Variants in ULK2 observed in about 807,000 individuals in gnomAD.
The protein encoded by ULK2 is unc-51 like autophagy activating kinase 2, also known as serine/threonine-protein kinase ULK2.
A neutral mutation model predicts 127.5 loss-of-function variants in ULK2; 76 were observed. The ratio of observed to expected loss-of-function variants is 0.60; its 90% CI spans 0.50 to 0.72. The LOEUF is 0.72. Ranked by LOEUF, ULK2 falls within the 30% of genes least tolerant of loss-of-function variation. The pLI, the probability that ULK2 is intolerant of heterozygous loss-of-function variation, is 0.00. For synonymous variants in ULK2, 452 were observed against 461.9 expected (o/e 0.98, Z 0.28); for missense variants, 1,144 against 1,295.9 (o/e 0.88, Z 1.80).
At chr17:19,806,793 TTC>T (rs1223040071) in intron 14 of ULK2, among the ~76,000 whole-genome samples, 2 of 152,202 alleles carry the variant, frequency 1.3e-5, no homozygotes, top group African/African-American at 4.8e-5. Context: ...ATTCACAACA[TTC>T]TCTGTGTGGA....
rs1314392567 is a variant in ULK2 at position 19,776,583 on chromosome 17, A to G, written c.3053-176T>C. ...GCAAAGTGGTAAAATTTAGGTAAGC[A>G]CATCAGCTAGCTTGCTACATAACTA... On this transcript the variant is annotated intron_variant, in intron 26 of 26. Transcript: ENST00000395544. Among the ~76,000 whole-genome samples the G allele has an allele frequency of 2.0e-5, 3 of 152,194 alleles. No individual in the cohort carries two copies. In the South Asian group the frequency reaches 6.2e-4, roughly 32 times the overall value.
chr17:19,838,689 A>C, intron 9 of ULK2, 106 bp from the exon 10 acceptor site: 1 of 881,134 alleles, frequency 1.1e-6, no homozygotes, highest in Admixed American at 2.5e-5. Context: ...GGTTTCACAA[A>C]TACCAATACA....
chr17:19,860,070 T>G (rs563435056), intron 3 of ULK2, among the ~76,000 whole-genome samples: 1 of 152,214 alleles, frequency 6.6e-6, no homozygotes, highest in Admixed American at 6.6e-5. Context: ...ATAAAACAAG[T>G]TGCATTTCTG....
At chr17:19,815,324 G>A (rs1305590648) in intron 13 of ULK2, among the ~76,000 whole-genome samples, 2 of 151,980 alleles carry the variant, frequency 1.3e-5, no homozygotes, top group African/African-American at 4.8e-5. Context: ...ACAATGGCAC[G>A]ATCTCAGCTC....
intron 10 of ULK2, among the ~76,000 whole-genome samples, chr17:19,835,153 CTT>C (rs61210380): frequency 6.8e-6 from 1 of 146,510 alleles, no homozygotes; most frequent in Admixed American, 6.8e-5. Context: ...GTTTTTGTTT[CTT>C]TTTTTTTTGG....
At chr17:19,860,892 C>T (rs2042227826) in intron 3 of ULK2, 1 of 151,988 alleles carries the variant, frequency 6.6e-6, no homozygotes, top group East Asian at 1.9e-4. Context: ...GAATTCTCGC[C>T]TCCCACGCAG....
intron 24 of ULK2, 132 bp downstream of exon 24, chr17:19,780,854 G>C (rs1417963349): frequency 1.0e-6 from 1 of 1,000,856 alleles, no homozygotes; most frequent in African/African-American, 1.6e-5. Context: ...TAACAACCCA[G>C]CATCTTTTCC....
Position 19,783,901 on chromosome 17 carries a change from C to T in ULK2, c.2256G>A (p.Gly752=), listed in dbSNP as rs766523706. The T allele has an allele frequency of 1.3e-6, 2 of 1,507,750 alleles. No individual in the cohort carries two copies. Among genetic ancestry groups the T allele is most frequent in the East Asian group, 4.8e-5 (2 of 41,800 alleles). The allele number at this position is 1,507,750 out of a possible 1,614,324, so 93.4% of individuals were successfully genotyped here. The change falls in exon 22 of 27, where the codon GGG becomes GGA. Residue 752 remains glycine (G), a synonymous_variant. Coordinates refer to ENST00000395544, the MANE Select transcript of ULK2 (RefSeq NM_014683.4). ...MFLRTRTTSV[G]PSNSGGSLCA... is the part of the protein sequence containing the mutation. ...AAAGAGAGCCCCCGGAGTTGCTGGG[C>T]CCCACTACAAGGAAACAGAGGATAC...
chr17:19,854,836 T>C (rs1259758910), intron 3 of ULK2, among the ~76,000 whole-genome samples: 1 of 151,936 alleles, frequency 6.6e-6, no homozygotes, highest in Non-Finnish European at 1.5e-5. Context: ...CATGGTGGCT[T>C]AAGACTGTAA....
intron 12 of ULK2, among the ~76,000 whole-genome samples, chr17:19,824,626 T>C (rs2041243899): frequency 6.6e-6 from 1 of 151,900 alleles, no homozygotes; most frequent in Non-Finnish European, 1.5e-5. Context: ...GAAGCCACCT[T>C]AAAGCGCCAG....
chr17:19,780,752 C>G, intron 24 of ULK2, 123 bp from the exon 25 acceptor site: 2 of 1,153,928 alleles, frequency 1.7e-6, no homozygotes, highest in Non-Finnish European at 2.4e-6. Context: ...AAAAAAAGGA[C>G]CAGAAATAGG....
chr17:19,784,036 CTATG>C, intron 21 of ULK2, 131 bp from the exon 22 acceptor site: 1 of 631,392 alleles, frequency 1.6e-6, no homozygotes, highest in Admixed American at 4.3e-5. Flanking sequence ...CACTGACCCC[CTATG>C]TACTATTTGA....
At chr17:19,804,185 C>T (rs2087461866) in intron 15 of ULK2, among the ~76,000 whole-genome samples, 1 of 151,524 alleles carries the variant, frequency 6.6e-6, no homozygotes, top group African/African-American at 2.4e-5. Flanking sequence ...GAGTTCAAGA[C>T]CAGCCTGGTC....
intron 12 of ULK2, among the ~76,000 whole-genome samples, chr17:19,819,514 CCCT>C (rs1219781039): frequency 2.0e-5 from 3 of 152,204 alleles, no homozygotes; most frequent in Admixed American, 2.0e-4. Flanking sequence ...TGCTCACTGT[CCCT>C]CCTACCTTTA....
At chr17:19,855,369 A>C (rs944669183) in intron 3 of ULK2, among the ~76,000 whole-genome samples, 9 of 151,526 alleles carry the variant, frequency 5.9e-5, no homozygotes, top group African/African-American at 1.5e-4. Flanking sequence ...GCGCCACTGC[A>C]CTCCAGCCTG....
chr17:19,826,154 C>A lies in ULK2; in HGVS notation c.820G>T (p.Gly274Cys). ...GGATACTCACATTTTTTTACTGGACCTTGCTCAAGAAAAGGATGGCTAAAA... is the reference window on the plus strand; with the variant it reads ...GGATACTCACATTTTTTTACTGGACATTGCTCAAGAAAAGGATGGCTAAAA... ...AFFSHPFLEQ[G>C]PVKKSCPVPV... The change falls in exon 11 of 27, where the codon GGT (glycine) becomes TGT (cysteine). Residue 274 changes from glycine (G) to cysteine (C), a missense_variant. Physicochemically the swap from Gly to Cys is radical, Grantham distance 159. This residue lies in a region of ULK2 where 913 missense variants were observed against 970.5 expected (regional missense o/e 0.94). Coordinates refer to ENST00000395544, the MANE Select transcript of ULK2 (RefSeq NM_014683.4). The A allele has an allele frequency of 6.8e-7, 1 of 1,466,084 alleles. No individual in the cohort carries two copies. 90.8% of individuals were successfully genotyped at this position (1,466,084 alleles called of 1,614,324 possible). A position where few individuals can be genotyped will look rare whatever the true frequency, so the allele number is the denominator to read the frequency against.
At chr17:19,783,409 A>T (rs1597707929) in intron 22 of ULK2, among the ~76,000 whole-genome samples, 1 of 152,102 alleles carries the variant, frequency 6.6e-6, no homozygotes, top group East Asian at 1.9e-4. Context: ...CCGAGATTGC[A>T]CCACTGCACT....
chr17:19,867,494 G>T lies in ULK2; in HGVS notation c.-77C>A, dbSNP rs567738920. ...AGGTATCAGCACCGCGGCTCCGCGGGCCCGGAGCGCGCCAGCGTGCGGCGG... is the reference window on the plus strand; with the variant it reads ...AGGTATCAGCACCGCGGCTCCGCGGTCCCGGAGCGCGCCAGCGTGCGGCGG... On this transcript the variant is annotated 5_prime_UTR_variant, in exon 1 of 27. Transcript: ENST00000395544. 1.5e-5 allele frequency: 17 copies of T among 1,158,742 alleles called. No individual in the cohort carries two copies. In the East Asian group the frequency reaches 4.8e-4, roughly 33 times the overall value. 71.8% of individuals were successfully genotyped at this position (1,158,742 alleles called of 1,614,324 possible).
intron 7 of ULK2, among the ~76,000 whole-genome samples, chr17:19,843,652 T>C (rs1355397587): frequency 1.3e-5 from 2 of 150,050 alleles, no homozygotes; most frequent in Admixed American, 1.3e-4. Flanking sequence ...GTCTCCAAAA[T>C]ATTTTTTCTT....
Sources: allele counts gnomAD v4.1 joint callset (sites outside exome capture counted in the v4.1 genomes callset), GRCh38; gene constraint gnomAD v4.1.1; regional missense constraint gnomAD v4.1.1; transcripts MANE v1.5; gene names NCBI Gene and HGNC (gene_info 2026-07-23, HGNC 2026-07-21).